FRMPD4: variants seen among roughly 807,000 people sequenced by gnomAD.
The protein encoded by FRMPD4 is FERM and PDZ domain-containing protein 4.
FRMPD4 carries 22 observed loss-of-function variants against 94.1 expected under a neutral mutation model. The observed-to-expected ratio is 0.23, with a 90% CI of 0.17 to 0.33. The LOEUF is 0.33. FRMPD4 is among the 10% of genes least tolerant of loss of function. The pLI, the probability that FRMPD4 is intolerant of heterozygous loss-of-function variation, is 1.00. For missense variants in FRMPD4, 1,111 were observed against 1,339.9 expected, an observed-to-expected ratio of 0.83 and a Z score of 2.67; for synonymous variants, 631 against 548.6, an observed-to-expected ratio of 1.15 and a Z score of -2.10.
chrX:12,689,202 G>A (rs754289140), intron 7 of FRMPD4, among the ~76,000 whole-genome samples: 338 of 111,835 alleles, frequency 3.0e-3, no homozygotes, highest in Non-Finnish European at 4.9e-3. Flanking sequence ...AAAAAGTATA[G>A]GTTGAAGAGA....
At chrX:11,828,830 G>A (rs1420821874) in intron 1 of FRMPD4, among the ~76,000 whole-genome samples, 3 of 112,350 alleles carry the variant, frequency 2.7e-5, no homozygotes, top group African/African-American at 9.7e-5. Flanking sequence ...TTCTGCTGCT[G>A]GTTCAAGGAA....
At chrX:12,494,995 A>G in intron 1 of FRMPD4, 1 of 716,182 alleles carries the variant, frequency 1.4e-6, no homozygotes, top group Non-Finnish European at 1.7e-6. Flanking sequence ...CAGAATTGCA[A>G]GAACTCTCAA....
At chrX:12,634,824 CTTTTTTTT>C (rs780126204) in intron 4 of FRMPD4, among the ~76,000 whole-genome samples, 2 of 52,216 alleles carry the variant, frequency 3.8e-5, no homozygotes, top group African/African-American at 1.7e-4. Flanking sequence ...GTCCATCTCT[CTTTTTTTT>C]TTTTTTTTTT....
intron 4 of FRMPD4, among the ~76,000 whole-genome samples, chrX:12,618,950 C>G (rs1160574251): frequency 1.8e-5 from 2 of 111,658 alleles, no homozygotes; most frequent in East Asian, 2.8e-4. Context: ...CCCTTCTCCC[C>G]CTTCCTCAGT....
intron 3 of FRMPD4, among the ~76,000 whole-genome samples, chrX:11,902,000 G>A (rs975694802): frequency 9.0e-6 from 1 of 111,672 alleles, no homozygotes; most frequent in African/African-American, 3.3e-5. Flanking sequence ...CTGGATATTA[G>A]TCCTTTGTTG....
intron 3 of FRMPD4, among the ~76,000 whole-genome samples, chrX:12,014,219 G>A (rs1458416931): frequency 2.7e-5 from 3 of 111,302 alleles, no homozygotes; most frequent in Non-Finnish European, 5.7e-5. Flanking sequence ...AGCAACAAGT[G>A]ACAGGGAGCA....
chrX:12,221,204 C>T (rs953934807), intron 1 of FRMPD4, among the ~76,000 whole-genome samples: 1 of 112,196 alleles, frequency 8.9e-6, no homozygotes, highest in African/African-American at 3.2e-5. Flanking sequence ...TCATTGGAAG[C>T]AAGACTATAC....
At chrX:12,268,477 G>A (rs758938596) in intron 1 of FRMPD4, among the ~76,000 whole-genome samples, 1 of 112,072 alleles carries the variant, frequency 8.9e-6, no homozygotes, top group East Asian at 2.8e-4. Context: ...AATTGTTCCA[G>A]GTCATCCCAC....
intron 4 of FRMPD4, among the ~76,000 whole-genome samples, chrX:12,667,676 A>G (rs757581018): frequency 8.9e-6 from 1 of 112,113 alleles, no homozygotes. Context: ...TTCTGCATCA[A>G]ATGACATCCA....
At chrX:12,539,472 A>C (rs1394305225) in intron 2 of FRMPD4, among the ~76,000 whole-genome samples, 1 of 111,843 alleles carries the variant, frequency 8.9e-6, no homozygotes, top group Non-Finnish European at 1.9e-5. Flanking sequence ...GAGCAACTGC[A>C]AGACACATAT....
At chrX:12,249,161 T>C (rs2053997685) in intron 1 of FRMPD4, among the ~76,000 whole-genome samples, 1 of 112,830 alleles carries the variant, frequency 8.9e-6, no homozygotes, top group Admixed American at 9.3e-5. Flanking sequence ...ATATGCTCTG[T>C]TTTATGTTGT....
chrX:12,450,863 C>CAAAAAAAAAA (rs5901475), intron 1 of FRMPD4, among the ~76,000 whole-genome samples: 1 of 49,541 alleles, frequency 2.0e-5, no homozygotes, highest in African/African-American at 7.1e-5. Context: ...TCTATTTATC[C>CAAAAAAAAAA]AAAAAAAAAA....
intron 15 of FRMPD4, 21 bp downstream of exon 15, chrX:12,717,154 T>C (rs1342884023): frequency 1.0e-6 from 1 of 998,198 alleles, no homozygotes; most frequent in Non-Finnish European, 1.4e-6. Flanking sequence ...AATTGTTACA[T>C]TCATTCACTG....
chrX:11,973,215 C>T (rs1438681212), intron 3 of FRMPD4, among the ~76,000 whole-genome samples: 1 of 112,709 alleles, frequency 8.9e-6, no homozygotes, highest in African/African-American at 3.2e-5. Context: ...TTAATTCAGA[C>T]TTCCATCTAT....
chrX:12,418,194 G>A lies in FRMPD4; in HGVS notation c.42-80486G>A, dbSNP rs192557063. Reference sequence around the variant, plus strand: ...TACAGCCCCTCAGTATGGCTGTATGGCTGTCCACTTACATTGACTATAATT... The same window carrying A: ...TACAGCCCCTCAGTATGGCTGTATGACTGTCCACTTACATTGACTATAATT... On this transcript the variant is annotated intron_variant, in intron 1 of 16. Transcript: ENST00000675598. Among the ~76,000 whole-genome samples the A allele has an allele frequency of 1.0e-4, 11 of 108,653 alleles. No homozygotes were observed. In the East Asian group the frequency reaches 3.2e-3, roughly 31 times the overall value. 94.4% of individuals were successfully genotyped at this position (108,653 alleles called of 115,157 possible).
chrX:12,289,218 G>T (rs2054649211), intron 1 of FRMPD4, among the ~76,000 whole-genome samples: 1 of 111,251 alleles, frequency 9.0e-6, no homozygotes, highest in African/African-American at 3.3e-5. Flanking sequence ...TGCCAGGAAA[G>T]GTTTAAAATA....
At position 12,520,520 on chromosome X, in the gene FRMPD4, T is replaced by TA. The variant is rs1211150178; in HGVS notation, c.158+21735dup. 3.3e-3 allele frequency among the ~76,000 whole-genome samples: 353 copies of TA among 105,932 alleles called. 1 individual carries two copies. Among genetic ancestry groups the TA allele is most frequent in the African/African-American group, 9.0e-3 (265 of 29,353 alleles). 92.0% of individuals were successfully genotyped at this position (105,932 alleles called of 115,157 possible). On this transcript the variant is annotated intron_variant, in intron 2 of 16. Coordinates refer to ENST00000675598, the MANE Select transcript of FRMPD4 (RefSeq NM_001368397.1). ...ATTACAAGTGTTTTTTCCCCACAGT[T>TA]AAAAAAAAAAATACACAAAGTGCAT...
At chrX:12,247,393 T>G (rs1376772490) in intron 1 of FRMPD4, among the ~76,000 whole-genome samples, 1 of 111,201 alleles carries the variant, frequency 9.0e-6, no homozygotes, top group East Asian at 2.8e-4. Flanking sequence ...ATCCCCAAGT[T>G]CCATCCTCGG....
chrX:12,070,696 G>GA (rs1018173710), intron 3 of FRMPD4, among the ~76,000 whole-genome samples: 1 of 111,305 alleles, frequency 9.0e-6, no homozygotes, highest in African/African-American at 3.3e-5. Flanking sequence ...CACTACTGGG[G>GA]AAAAAAAATA....
Sources: gnomAD v4.1 joint callset for allele counts (sites outside exome capture counted in the v4.1 genomes callset) on GRCh38, gnomAD v4.1.1 for gene constraint, MANE v1.5 for transcripts, NCBI Gene and HGNC (gene_info 2026-07-23, HGNC 2026-07-21) for gene names.